GJC1: variants seen among roughly 807,000 people sequenced by gnomAD.
GJC1 encodes the protein gap junction gamma-1 protein.
In GJC1, 5 loss-of-function variants were observed where a neutral mutation model predicts 29.3. The observed-to-expected ratio is 0.17, with a 90% confidence interval of 0.09 to 0.36. The LOEUF is 0.36. Ranked by LOEUF, GJC1 falls within the 10% of genes least tolerant of loss-of-function variation. The probability of loss-of-function intolerance (pLI) is 1.00; values close to 1 mark genes in which losing one functional copy is unlikely to be tolerated. For synonymous variants in GJC1, 177 were observed against 183.3 expected (o/e 0.97, Z 0.28); for missense variants, 310 against 496.2 (o/e 0.62, Z 3.56).
At chr17:44,822,191 C>T (rs1445158723) in intron 1 of GJC1, among the ~76,000 whole-genome samples, 15 of 109,934 alleles carry the variant, frequency 1.4e-4, no homozygotes, top group African/African-American at 5.4e-4. Flanking sequence ...ATCGAGACTC[C>T]GTCTCAAAAA....
upstream of GJC1, among the ~76,000 whole-genome samples, chr17:44,830,439 G>C (rs1385742347): frequency 6.6e-6 from 1 of 152,104 alleles, no homozygotes; most frequent in African/African-American, 2.4e-5. The surrounding 1 kb of genome is among the most constrained non-coding windows in gnomAD (Gnocchi z 4.3). Flanking sequence ...TCGAGTCCTC[G>C]CCGCTCTCTC....
chr17:44,813,018 A>G (rs1217786006), intron 1 of GJC1: 1 of 151,966 alleles, frequency 6.6e-6, no homozygotes, highest in East Asian at 1.9e-4. Context: ...TAACTCCAAC[A>G]TCTCACAAAA....
chr17:44,805,410 C>G lies in GJC1; in HGVS notation c.408G>C (p.Glu136Asp). The change falls in exon 3 of 3, where the codon GAG becomes GAC. Residue 136 changes from glutamate (E) to aspartate (D), a missense_variant. Around this residue, in one of 4 missense-constraint regions of GJC1, gnomAD observed 82 missense variants for 100.7 expected, o/e 0.81. Transcript: ENST00000592524. This position sits in a 1 kb window ranked among gnomAD's most constrained non-coding sequence, Gnocchi z 5.1. ...ALEETEEDNE[E>D]DPMMYPEMEL... ...CCATCTCTGGATACATCATAGGATC[C>G]TCTTCGTTGTCCTCCTCCGTTTCTT... The G allele has an allele frequency of 6.2e-7, 1 of 1,614,176 alleles. No individual in the cohort carries two copies. The highest frequency in any genetic ancestry group is 8.5e-7 in the Non-Finnish European group (1 of 1,180,032).
Position 44,802,169 on chromosome 17 carries a change from G to A in GJC1, c.*2458C>T, listed in dbSNP as rs1305419389. Reference sequence around the variant, plus strand: ...TAACATTCTCATCAAAACAGGCCAAGATGAAACACCAGGGGCACTCTTCAC... The same window carrying A: ...TAACATTCTCATCAAAACAGGCCAAAATGAAACACCAGGGGCACTCTTCAC... On this transcript the variant is annotated 3_prime_UTR_variant, in exon 3 of 3. Coordinates refer to ENST00000592524, the MANE Select transcript of GJC1 (RefSeq NM_005497.4). 1 of 152,184 alleles carries A rather than the reference G, an allele frequency of 6.6e-6. No individual in the cohort carries two copies. The highest frequency in any genetic ancestry group is 1.5e-5 in the Non-Finnish European group (1 of 68,036). 9.4% of individuals were successfully genotyped at this position (152,184 alleles called of 1,614,324 possible).
At position 44,814,308 on chromosome 17, in the gene GJC1, T is replaced by C. The variant is rs1429383625; in HGVS notation, c.-96-6839A>G. ...GGTGCCCGCCACCACGCCCGGCTAA[T>C]TTTTTTCATTTTTAGTAGAGATGGG... On this transcript the variant is annotated intron_variant, in intron 1 of 2. Coordinates refer to ENST00000592524, the MANE Select transcript of GJC1 (RefSeq NM_005497.4). Among the ~76,000 whole-genome samples the C allele has an allele frequency of 3.3e-5, 5 of 151,872 alleles. No individual in the cohort carries two copies. The East Asian group carries it at 7.8e-4, about 24-fold the overall frequency.
chr17:44,821,307 C>T (rs2050102948), intron 1 of GJC1, among the ~76,000 whole-genome samples: 1 of 152,178 alleles, frequency 6.6e-6, no homozygotes, highest in African/African-American at 2.4e-5. Flanking sequence ...CTGAACAATG[C>T]TCAGTCTAGA....
intron 1 of GJC1, among the ~76,000 whole-genome samples, chr17:44,809,098 A>G (rs1440357583): frequency 6.6e-6 from 1 of 152,030 alleles, no homozygotes; most frequent in East Asian, 1.9e-4. Flanking sequence ...AACAAAACAA[A>G]CAAACAAAAG....
chr17:44,811,063 G>A (rs559685588), intron 1 of GJC1, among the ~76,000 whole-genome samples: 5 of 147,472 alleles, frequency 3.4e-5, no homozygotes, highest in South Asian at 2.2e-4. Context: ...GCCACCACAC[G>A]CAGCCAATAT....
Position 44,802,072 on chromosome 17 carries a change from T to C in GJC1, c.*2555A>G, listed in dbSNP as rs927018011. 1.3e-5 allele frequency: 2 copies of C among 152,182 alleles called. No individual in the cohort carries two copies. The highest frequency in any genetic ancestry group is 4.8e-5 in the African/African-American group (2 of 41,434). The allele number at this position is 152,182 out of a possible 1,614,324, so 9.4% of individuals were successfully genotyped here. Reference sequence around the variant, plus strand: ...AATAAAAATAGATTTTAAAAGTGTGTGCATGTGGGGAGGTGACAGAATATC... The same window carrying C: ...AATAAAAATAGATTTTAAAAGTGTGCGCATGTGGGGAGGTGACAGAATATC... On this transcript the variant is annotated 3_prime_UTR_variant, in exon 3 of 3. Coordinates refer to ENST00000592524, the MANE Select transcript of GJC1 (RefSeq NM_005497.4).
chr17:44,798,463 G>A lies in GJC1; in HGVS notation c.*6164C>T, dbSNP rs770019132. On this transcript the variant is annotated 3_prime_UTR_variant, in exon 3 of 3. Transcript: ENST00000592524. ...AAACCACAAATGAATCTTCAAAACT[G>A]TATTTGGAATTGACAAAATCTTCCT... The A allele has an allele frequency of 1.3e-5, 2 of 152,126 alleles. No homozygotes were observed. Among genetic ancestry groups the A allele is most frequent in the Non-Finnish European group, 2.9e-5 (2 of 68,026 alleles). The allele number at this position is 152,126 out of a possible 1,614,324, so 9.4% of individuals were successfully genotyped here. A position where few individuals can be genotyped will look rare whatever the true frequency, so the allele number is the denominator to read the frequency against.
rs905535794 is a variant in GJC1, at chr17:44,801,542, TAC to T, written c.*3083_*3084del. 2 of 152,122 alleles carry T rather than the reference TAC, an allele frequency of 1.3e-5. No homozygotes were observed. Among genetic ancestry groups the T allele is most frequent in the Non-Finnish European group, 2.9e-5 (2 of 68,028 alleles). The allele number at this position is 152,122 out of a possible 1,614,324, so 9.4% of individuals were successfully genotyped here. On this transcript the variant is annotated 3_prime_UTR_variant, in exon 3 of 3. Coordinates refer to ENST00000592524, the MANE Select transcript of GJC1 (RefSeq NM_005497.4). ...CCTGCATGATCCAGAACAATATTCTTACAGATTCAATGCAGACTCCACCAATG... is the reference window on the plus strand; with the variant it reads ...CCTGCATGATCCAGAACAATATTCTTAGATTCAATGCAGACTCCACCAATG...
downstream of GJC1, chr17:44,794,917 A>G (rs1282512770): frequency 6.6e-6 from 1 of 152,190 alleles, no homozygotes; most frequent in East Asian, 1.9e-4. Flanking sequence ...AGAAGCCCCT[A>G]TCTAGCTTAG....
intron 1 of GJC1, among the ~76,000 whole-genome samples, chr17:44,816,767 C>A (rs541374682): frequency 3.0e-4 from 46 of 151,954 alleles, no homozygotes; most frequent in African/African-American, 1.1e-3. Context: ...GGCCTCCCAA[C>A]GTGCTGGGAT....
At chr17:44,819,546 T>A (rs900201313) in intron 1 of GJC1, among the ~76,000 whole-genome samples, 1 of 151,756 alleles carries the variant, frequency 6.6e-6, no homozygotes, top group Non-Finnish European at 1.5e-5. Context: ...TAGTCCCAGC[T>A]ACTCAGGAGG....
At chr17:44,822,674 C>A (rs565815650) in intron 1 of GJC1, among the ~76,000 whole-genome samples, 1 of 147,564 alleles carries the variant, frequency 6.8e-6, no homozygotes, top group South Asian at 2.1e-4. Flanking sequence ...AGAGTCCAGC[C>A]TCAGTAAATT....
chr17:44,824,223 G>T (rs2050144235), intron 1 of GJC1, among the ~76,000 whole-genome samples: 1 of 152,040 alleles, frequency 6.6e-6, no homozygotes, highest in Admixed American at 6.6e-5. Context: ...GGCCAGGATG[G>T]TCTCGAACTC....
chr17:44,808,229 A>G (rs1458883898), intron 1 of GJC1, among the ~76,000 whole-genome samples: 3 of 149,768 alleles, frequency 2.0e-5, no homozygotes, highest in East Asian at 1.9e-4. Flanking sequence ...AAGATACAGG[A>G]AAAAAAAAAC....
rs2049812391 is a variant in GJC1 at position 44,799,228 on chromosome 17, GAC to G, written c.*5397_*5398del. 2 of 150,608 alleles carry G rather than the reference GAC, an allele frequency of 1.3e-5. No individual in the cohort carries two copies. The highest frequency in any genetic ancestry group is 1.3e-4 in the Admixed American group (2 of 15,092). The allele number at this position is 150,608 out of a possible 1,614,324, so 9.3% of individuals were successfully genotyped here. A position where few individuals can be genotyped will look rare whatever the true frequency, so the allele number is the denominator to read the frequency against. ...GATAACTTTTTTCCTCTTTTTTGGC[GAC>G]AGTCTTACTCTGTCACCCAGGCTGG... On this transcript the variant is annotated 3_prime_UTR_variant, in exon 3 of 3. Coordinates refer to ENST00000592524, the MANE Select transcript of GJC1 (RefSeq NM_005497.4).
chr17:44,824,847 A>T (rs1306738093), intron 1 of GJC1, among the ~76,000 whole-genome samples: 1 of 139,290 alleles, frequency 7.2e-6, no homozygotes, highest in Non-Finnish European at 1.5e-5. Context: ...TGCAATAGTG[A>T]GAAGGGGGGG....
Sources: gnomAD v4.1 joint callset for allele counts (sites outside exome capture counted in the v4.1 genomes callset) on GRCh38, gnomAD v4.1.1 for gene constraint, gnomAD v4.1.1 regional missense constraint, Gnocchi (gnomAD v3.1) non-coding constraint, MANE v1.5 for transcripts, NCBI Gene and HGNC (gene_info 2026-07-23, HGNC 2026-07-21) for gene names.